The following PHF14 variants were observed in gnomAD, a reference collection of about 807,000 sequenced individuals.
PHF14 encodes PHD finger protein 14.
A neutral mutation model predicts 117.9 loss-of-function variants in PHF14; 55 were observed. That is an observed-to-expected ratio of 0.47 (90% CI 0.38 to 0.58). PHF14 has a LOEUF of 0.58. Among genes scored for constraint, PHF14 ranks in the 20% least tolerant of loss-of-function variants. The pLI is 0.00. For synonymous variants in PHF14, 409 were observed against 368.6 expected, an observed-to-expected ratio of 1.11 and a Z score of -1.26; for missense variants, 978 against 1,122.2, an observed-to-expected ratio of 0.87 and a Z score of 1.84.
At chr7:11,080,439 G>A (rs1786052324) in intron 16 of PHF14, among the ~76,000 whole-genome samples, 1 of 151,946 alleles carries the variant, frequency 6.6e-6, no homozygotes. Context: ...ATGGAAATTG[G>A]GTTGAAGTTT....
intron 17 of PHF14, among the ~76,000 whole-genome samples, chr7:11,125,790 C>G (rs1787911889): frequency 6.6e-6 from 1 of 151,920 alleles, no homozygotes; most frequent in African/African-American, 2.4e-5. Flanking sequence ...AAGATACAAC[C>G]TATTTTAATA....
chr7:11,075,068 G>C (rs776656984), intron 16 of PHF14, among the ~76,000 whole-genome samples: 1 of 151,518 alleles, frequency 6.6e-6, no homozygotes, highest in Non-Finnish European at 1.5e-5. Context: ...CTCCTGAGTA[G>C]CTGGGACTAC....
intron 6 of PHF14, among the ~76,000 whole-genome samples, chr7:11,023,249 A>C (rs939734442): frequency 6.6e-6 from 1 of 152,170 alleles, no homozygotes; most frequent in Non-Finnish European, 1.5e-5. Context: ...TGCCTAATAC[A>C]TAGACCAAAA....
intron 16 of PHF14, among the ~76,000 whole-genome samples, chr7:11,088,418 G>A (rs73063468): frequency 2.7e-5 from 4 of 150,670 alleles, no homozygotes; most frequent in South Asian, 2.1e-4. Context: ...ACACACACAC[G>A]CACACACACA....
intron 16 of PHF14, among the ~76,000 whole-genome samples, chr7:11,099,026 A>T (rs2089172411): frequency 6.6e-6 from 1 of 152,200 alleles, no homozygotes; most frequent in Non-Finnish European, 1.5e-5. Context: ...CTTTTCTATT[A>T]GTAAAAATCA....
chr7:11,022,315 C>T (rs998207542), intron 5 of PHF14, among the ~76,000 whole-genome samples: 1 of 152,040 alleles, frequency 6.6e-6, no homozygotes, highest in African/African-American at 2.4e-5. Flanking sequence ...CTTTTCCCAG[C>T]AGTTTTAATC....
chr7:11,037,919 A>G (rs112441952), intron 10 of PHF14, among the ~76,000 whole-genome samples: 1,874 of 152,300 alleles, frequency 0.012, 27 homozygotes, highest in African/African-American at 0.043. Context: ...CATTGGGAAA[A>G]TAGTGGAAAT....
At chr7:11,103,442 G>A in intron 16 of PHF14, 1 of 981,956 alleles carries the variant, frequency 1.0e-6, no homozygotes, top group Non-Finnish European at 1.2e-6. Flanking sequence ...ATCAACATCT[G>A]TATCTTTCCA....
At position 11,103,242 on chromosome 7, in the gene PHF14, G is replaced by A. The variant is rs577138131; in HGVS notation, c.2655-8108G>A. On this transcript the variant is annotated intron_variant, in intron 16 of 17. Coordinates refer to ENST00000634607, the MANE Select transcript of PHF14 (RefSeq NM_001007157.2). The stretch of plus-strand genomic sequence containing the variant: ...TTCAGATTTTAAGCTCATGAATAAA[G>A]ATATATCTGTGTTGATCTCTAGATA... 5.5e-6 allele frequency: 5 copies of A among 906,088 alleles called. No homozygotes were observed. The South Asian group carries it at 1.5e-4, about 28-fold the overall frequency. The allele number at this position is 906,088 out of a possible 1,614,324, so 56.1% of individuals were successfully genotyped here.
At chr7:11,103,316 C>T (rs1787153744) in intron 16 of PHF14, 1 of 879,516 alleles carries the variant, frequency 1.1e-6, no homozygotes, top group South Asian at 5.2e-5. Context: ...TTAATATAAG[C>T]TTTCTGTGTT....
chr7:11,108,453 G>A (rs538240960), intron 16 of PHF14: 1 of 151,684 alleles, frequency 6.6e-6, no homozygotes, highest in East Asian at 1.9e-4. Context: ...GAGTGAGCTA[G>A]AACCTCAGAG....
chr7:11,105,646 T>A (rs764526251), intron 16 of PHF14: 7 of 984,574 alleles, frequency 7.1e-6, no homozygotes, highest in Non-Finnish European at 8.4e-6. Flanking sequence ...TTTGTAAGTT[T>A]ACATAAAATT....
intron 4 of PHF14, among the ~76,000 whole-genome samples, chr7:11,001,244 A>G (rs10263193): frequency 0.11 from 17,127 of 152,096 alleles, 1,170 homozygotes; most frequent in African/African-American, 0.2. Context: ...TTGTTCATCA[A>G]CTGACCTATA....
At chr7:11,126,534 G>A (rs1029541485) in intron 17 of PHF14, among the ~76,000 whole-genome samples, 2 of 151,772 alleles carry the variant, frequency 1.3e-5, no homozygotes, top group African/African-American at 2.4e-5. Flanking sequence ...TCTAATTTTT[G>A]CAGTGAAATA....
chr7:11,042,911 T>A (rs1457605288), intron 13 of PHF14, 97 bp downstream of exon 13: 13 of 839,058 alleles, frequency 1.5e-5, no homozygotes, highest in Non-Finnish European at 2.4e-5. Context: ...ATAAAGTATT[T>A]GGCACATTTT....
chr7:11,060,758 A>T (rs1156693692), intron 14 of PHF14, among the ~76,000 whole-genome samples: 1 of 152,184 alleles, frequency 6.6e-6, no homozygotes, highest in Non-Finnish European at 1.5e-5. Context: ...TCCATAATAT[A>T]ATTAAAACAG....
chr7:11,029,291 A>C (rs1667563681), intron 7 of PHF14, among the ~76,000 whole-genome samples: 1 of 152,156 alleles, frequency 6.6e-6, no homozygotes, highest in Non-Finnish European at 1.5e-5. Flanking sequence ...TTAAAAAATC[A>C]GTTGTTTTCA....
Position 11,022,975 on chromosome 7 carries a change from C to T in PHF14, c.1313C>T (p.Ala438Val). The part of the protein sequence containing the change: ...LTEMNYSKYG[A>V]KECSFCEDPR... ...GAAATGAACTATTCCAAATATGGTG[C>T]CAAGGTGAGACACAAAGCATTTTTG... The change falls in exon 6 of 18, where the codon GCC becomes GTC. Residue 438 changes from alanine to valine, a missense_variant. Transcript: ENST00000634607. The T allele has an allele frequency of 6.4e-7, 1 of 1,562,242 alleles. No individual in the cohort carries two copies. Among genetic ancestry groups the T allele is most frequent in the East Asian group, 2.3e-5 (1 of 44,412 alleles).
chr7:11,039,022 G>A (rs944901875), intron 11 of PHF14, among the ~76,000 whole-genome samples, 167 bp downstream of exon 11: 12 of 152,126 alleles, frequency 7.9e-5, no homozygotes, highest in African/African-American at 2.9e-4. Flanking sequence ...TAGAGCATTG[G>A]AAGCTGCCTA....
Sources: allele counts gnomAD v4.1 joint callset (sites outside exome capture counted in the v4.1 genomes callset), GRCh38; gene constraint gnomAD v4.1.1; transcripts MANE v1.5; gene names NCBI Gene and HGNC (gene_info 2026-07-23, HGNC 2026-07-21).